Variants in FBXL7 observed in about 807,000 individuals in gnomAD.
FBXL7 encodes the protein F-box/LRR-repeat protein 7.
A neutral mutation model predicts 38.3 loss-of-function variants in FBXL7; 12 were observed. That is an observed-to-expected ratio of 0.31 (90% CI 0.20 to 0.51). The LOEUF (loss-of-function observed/expected upper bound fraction) is 0.51. FBXL7 is among the 20% of genes least tolerant of loss of function. The pLI, the probability that FBXL7 is intolerant of heterozygous loss-of-function variation, is 0.98. For synonymous variants in FBXL7, 297 were observed against 300.9 expected (o/e 0.99, Z 0.13); for missense variants, 567 against 676.4 (o/e 0.84, Z 1.79).
chr5:15,924,717 G>A (rs889900917), intron 2 of FBXL7, among the ~76,000 whole-genome samples: 2 of 150,452 alleles, frequency 1.3e-5, no homozygotes, highest in African/African-American at 4.9e-5. Flanking sequence ...TCTGCCTCCT[G>A]GGTGCAAGCA....
At chr5:15,826,852 CTG>C (rs975529421) in intron 2 of FBXL7, among the ~76,000 whole-genome samples, 2 of 151,836 alleles carry the variant, frequency 1.3e-5, no homozygotes, top group Non-Finnish European at 1.5e-5. Context: ...CAGAGTAAAA[CTG>C]TGCTCCTTCT....
intron 2 of FBXL7, among the ~76,000 whole-genome samples, chr5:15,816,321 C>G (rs1738014053): frequency 6.6e-6 from 1 of 151,764 alleles, no homozygotes; most frequent in Non-Finnish European, 1.5e-5. Context: ...TGGAAAAGAA[C>G]AAAGTAAGTC....
intron 2 of FBXL7, among the ~76,000 whole-genome samples, chr5:15,812,188 G>T (rs1737883227): frequency 6.6e-6 from 1 of 152,136 alleles, no homozygotes; most frequent in African/African-American, 2.4e-5. Context: ...TCCTTTGTGG[G>T]TACATGGGCG....
chr5:15,933,856 C>T (rs955947009), intron 3 of FBXL7, among the ~76,000 whole-genome samples: 11 of 152,006 alleles, frequency 7.2e-5, no homozygotes, highest in Admixed American at 3.9e-4. Flanking sequence ...CGAAGTGAGG[C>T]GCCTAGCTGT....
chr5:15,756,482 G>A (rs1005899289), intron 2 of FBXL7, among the ~76,000 whole-genome samples: 2 of 152,038 alleles, frequency 1.3e-5, no homozygotes, highest in African/African-American at 4.8e-5. Flanking sequence ...ATCTATTGCC[G>A]CCATTTGGAA....
intron 1 of FBXL7, among the ~76,000 whole-genome samples, chr5:15,558,826 T>A (rs1738327306): frequency 6.6e-6 from 1 of 152,244 alleles, no homozygotes. Flanking sequence ...TGTGTGCCCA[T>A]GAAAGCATCC....
At chr5:15,526,075 C>G (rs1737244065) in intron 1 of FBXL7, among the ~76,000 whole-genome samples, 1 of 151,972 alleles carries the variant, frequency 6.6e-6, no homozygotes, top group African/African-American at 2.4e-5. Flanking sequence ...TGAATGAGGT[C>G]ATCTGCAATG....
intron 1 of FBXL7, among the ~76,000 whole-genome samples, chr5:15,502,305 T>C (rs998673429): frequency 4.0e-5 from 6 of 151,790 alleles, no homozygotes; most frequent in Non-Finnish European, 7.4e-5. Context: ...AACTTGTTCT[T>C]CTATCCCAGC....
intron 2 of FBXL7, among the ~76,000 whole-genome samples, chr5:15,791,749 A>G (rs1307082426): frequency 6.6e-6 from 1 of 152,150 alleles, no homozygotes; most frequent in African/African-American, 2.4e-5. Context: ...GATGCTGGAT[A>G]GTAAATACCC....
intron 2 of FBXL7, among the ~76,000 whole-genome samples, chr5:15,707,511 C>T (rs1203765965): frequency 2.6e-5 from 4 of 152,040 alleles, no homozygotes; most frequent in Admixed American, 2.6e-4. Context: ...ATTTCTGTAC[C>T]AAGGCATCTG....
At chr5:15,518,143 A>C (rs1305589823) in intron 1 of FBXL7, among the ~76,000 whole-genome samples, 1 of 151,920 alleles carries the variant, frequency 6.6e-6, no homozygotes, top group Non-Finnish European at 1.5e-5. Context: ...GGCCCACACC[A>C]CCATGCCGGG....
At chr5:15,806,777 C>G (rs993916123) in intron 2 of FBXL7, among the ~76,000 whole-genome samples, 1 of 152,120 alleles carries the variant, frequency 6.6e-6, no homozygotes, top group Admixed American at 6.5e-5. Flanking sequence ...CTAGAAGTAC[C>G]TCTTCTCTAA....
chr5:15,610,585 C>T (rs1291864149), intron 1 of FBXL7, among the ~76,000 whole-genome samples: 3 of 152,256 alleles, frequency 2.0e-5, no homozygotes, highest in Middle Eastern at 3.4e-3. Context: ...TCTCTGAGCA[C>T]CACCCTCCCT....
chr5:15,763,543 A>C (rs1007468932), intron 2 of FBXL7, among the ~76,000 whole-genome samples: 12 of 152,214 alleles, frequency 7.9e-5, no homozygotes, highest in Non-Finnish European at 7.3e-5. Context: ...GGTAAGTCCC[A>C]TAGGAATTCC....
rs557639952 is a variant in FBXL7 at position 15,926,840 on chromosome 5, CAACAGAAACGGG to C, written c.128-1048_128-1037del. Among the ~76,000 whole-genome samples, 623 of 152,146 alleles carry C rather than the reference CAACAGAAACGGG, an allele frequency of 4.1e-3. 4 individuals are homozygous for C. Among genetic ancestry groups the C allele is most frequent in the Non-Finnish European group, 6.6e-3 (449 of 68,002 alleles). On this transcript the variant is annotated intron_variant, in intron 2 of 3. Coordinates refer to ENST00000504595, the MANE Select transcript of FBXL7 (RefSeq NM_012304.5). ...CTCCCCTTGTCTGGGGCACTGTTTTCAACAGAAACGGGAGCAGACACTGGGAGAAGTGAGCCA... is the reference window on the plus strand; with the variant it reads ...CTCCCCTTGTCTGGGGCACTGTTTTCAGCAGACACTGGGAGAAGTGAGCCA...
chr5:15,689,962 G>A (rs544808420), intron 2 of FBXL7, among the ~76,000 whole-genome samples: 3 of 152,204 alleles, frequency 2.0e-5, no homozygotes, highest in East Asian at 3.9e-4. Flanking sequence ...CCCTCTACAC[G>A]CCAATTGCAC....
chr5:15,599,408 T>A lies in FBXL7; in HGVS notation c.38-16575T>A, dbSNP rs1739725045. 2.0e-5 allele frequency among the ~76,000 whole-genome samples: 3 copies of A among 152,196 alleles called. No homozygotes were observed. The South Asian group carries it at 6.2e-4, about 32-fold the overall frequency. On this transcript the variant is annotated intron_variant, in intron 1 of 3. Coordinates refer to ENST00000504595, the MANE Select transcript of FBXL7 (RefSeq NM_012304.5). ...ATATATATTTATGTGTGTGTGTACA[T>A]GTTACAAACAGAAAATTTCAATTTA...
intron 1 of FBXL7, among the ~76,000 whole-genome samples, chr5:15,569,042 C>G (rs1738680186): frequency 6.6e-6 from 1 of 152,110 alleles, no homozygotes; most frequent in African/African-American, 2.4e-5. Context: ...CAGCTTTGTT[C>G]TTTTGGCTTA....
chr5:15,620,817 T>C (rs918669601), intron 2 of FBXL7, among the ~76,000 whole-genome samples: 5 of 152,196 alleles, frequency 3.3e-5, no homozygotes, highest in African/African-American at 1.2e-4. Context: ...AATTGTGAGA[T>C]TGTAGAGTCA....
Sources: allele counts gnomAD v4.1 joint callset (sites outside exome capture counted in the v4.1 genomes callset), GRCh38; gene constraint gnomAD v4.1.1; transcripts MANE v1.5; gene names NCBI Gene and HGNC (gene_info 2026-07-23, HGNC 2026-07-21).